KLHL14: variants seen among roughly 807,000 people sequenced by gnomAD.
KLHL14 encodes the protein kelch-like protein 14.
In KLHL14, 22 loss-of-function variants were observed where a neutral mutation model predicts 64.3. The observed-to-expected ratio is 0.34, with a 90% CI of 0.24 to 0.49. The LOEUF (loss-of-function observed/expected upper bound fraction) is 0.49. KLHL14 is among the 20% of genes least tolerant of loss of function. The pLI, the probability that KLHL14 is intolerant of heterozygous loss-of-function variation, is 0.99. For missense variants in KLHL14, 661 were observed against 789.0 expected, an observed-to-expected ratio of 0.84 and a Z score of 1.94; for synonymous variants, 322 against 333.4, an observed-to-expected ratio of 0.97 and a Z score of 0.37.
rs898043970 is a variant in KLHL14, at chr18:32,674,372, C to A, written c.*285G>T. On this transcript the variant is annotated 3_prime_UTR_variant, in exon 9 of 9. Coordinates refer to ENST00000359358, the MANE Select transcript of KLHL14 (RefSeq NM_020805.3). ...TCTGTATTTTATCTTTCTCCTTTTGCAAGTTAAGATTCACATGAAGAGTTT... is the reference window on the plus strand; with the variant it reads ...TCTGTATTTTATCTTTCTCCTTTTGAAAGTTAAGATTCACATGAAGAGTTT... The A allele has an allele frequency of 1.6e-4, 51 of 323,708 alleles. No homozygotes were observed. The East Asian group carries it at 2.5e-3, about 16-fold the overall frequency. The allele number at this position is 323,708 out of a possible 1,614,324, so 20.1% of individuals were successfully genotyped here.
In KLHL14 at chr18:32,738,158, A is replaced by G. The variant is rs73955278; in HGVS notation, c.1069+3770T>C. The G allele has an allele frequency of 5.9e-5, 9 of 152,286 alleles. No individual in the cohort carries two copies. In the South Asian group the frequency reaches 1.7e-3, roughly 28 times the overall value. The allele number at this position is 152,286 out of a possible 1,614,324, so 9.4% of individuals were successfully genotyped here. Reference sequence around the variant, plus strand: ...TAAAAATGGAATGGAGAGCTCTCCAATGCTGCCCTATGGGGAGAAATAAAA... The same window carrying G: ...TAAAAATGGAATGGAGAGCTCTCCAGTGCTGCCCTATGGGGAGAAATAAAA... On this transcript the variant is annotated intron_variant, in intron 3 of 8. Transcript: ENST00000359358.
chr18:32,728,438 T>G (rs140686359), intron 3 of KLHL14, among the ~76,000 whole-genome samples: 71 of 152,336 alleles, frequency 4.7e-4, no homozygotes, highest in African/African-American at 1.7e-3. Context: ...AATTAACAAA[T>G]GCAAGTGAAG....
rs562194297 is a variant in KLHL14 at position 32,705,447 on chromosome 18, G to A, written c.1070-9895C>T. ...TTTTAAAAGATTGTATTATGACTGGGTGTGGTGGCTCATGCCTGCAATCCC... is the reference window on the plus strand; with the variant it reads ...TTTTAAAAGATTGTATTATGACTGGATGTGGTGGCTCATGCCTGCAATCCC... On this transcript the variant is annotated intron_variant, in intron 3 of 8. Coordinates refer to ENST00000359358, the MANE Select transcript of KLHL14 (RefSeq NM_020805.3). 1.7e-3 allele frequency among the ~76,000 whole-genome samples: 263 copies of A among 152,258 alleles called. 1 individual carries two copies. Among genetic ancestry groups the A allele is most frequent in the Non-Finnish European group, 2.0e-3 (135 of 68,020 alleles).
At chr18:32,688,275 G>A (rs1340513994) in intron 4 of KLHL14, among the ~76,000 whole-genome samples, 3 of 152,080 alleles carry the variant, frequency 2.0e-5, no homozygotes, top group African/African-American at 7.2e-5. Context: ...AGGGGTGTGT[G>A]GGTGTGTGTG....
intron 4 of KLHL14, among the ~76,000 whole-genome samples, chr18:32,690,001 T>G (rs1322357267): frequency 6.8e-6 from 1 of 146,962 alleles, no homozygotes; most frequent in Non-Finnish European, 1.5e-5. Flanking sequence ...TGGTTTTCTG[T>G]ATCCACATTT....
At chr18:32,739,109 T>C (rs1298416108) in intron 3 of KLHL14, among the ~76,000 whole-genome samples, 7 of 152,054 alleles carry the variant, frequency 4.6e-5, no homozygotes, top group African/African-American at 1.4e-4. Context: ...GTCTGCTAGT[T>C]AGTTTGCATG....
At chr18:32,734,317 C>T (rs1198141108) in intron 3 of KLHL14, 10 of 691,016 alleles carry the variant, frequency 1.4e-5, no homozygotes, top group Non-Finnish European at 2.6e-5. Flanking sequence ...CTCCCTGCTG[C>T]ATCCATGATG....
In KLHL14 at chr18:32,770,501, G is replaced by A. The variant is rs2050377432; in HGVS notation, c.91C>T (p.Leu31=). The A allele has an allele frequency of 3.7e-6, 6 of 1,611,550 alleles. No individual in the cohort carries two copies. The highest frequency in any genetic ancestry group is 5.1e-6 in the Non-Finnish European group (6 of 1,179,882). The change falls in exon 2 of 9, where the codon CTG becomes TTG. Residue 31 remains leucine (L), a synonymous_variant. Coordinates refer to ENST00000359358, the MANE Select transcript of KLHL14 (RefSeq NM_020805.3). The surrounding 1 kb of genome is among the most constrained non-coding windows in gnomAD (Gnocchi z 6.7). ...HGLNLLWRKQ[L]FCDVTLTAQG... ...GCCGTCAGGGTCACGTCGCAAAACAGCTGCTTCCTCCACAGCAGGTTGAGG... is the reference window on the plus strand; with the variant it reads ...GCCGTCAGGGTCACGTCGCAAAACAACTGCTTCCTCCACAGCAGGTTGAGG...
chr18:32,753,233 A>AT (rs1306989962), intron 2 of KLHL14, among the ~76,000 whole-genome samples: 2 of 152,204 alleles, frequency 1.3e-5, no homozygotes, highest in Non-Finnish European at 2.9e-5. Flanking sequence ...GGGACGCACT[A>AT]TAAGAAATGG....
At chr18:32,695,749 G>A (rs1237268150) in intron 3 of KLHL14, among the ~76,000 whole-genome samples, 197 bp from the exon 4 acceptor site, 1 of 151,882 alleles carries the variant, frequency 6.6e-6, no homozygotes, top group East Asian at 1.9e-4. Flanking sequence ...TGTTCCCAGC[G>A]GTTTCAAACC....
intron 4 of KLHL14, among the ~76,000 whole-genome samples, chr18:32,687,840 C>G (rs1449863029): frequency 6.6e-6 from 1 of 152,166 alleles, no homozygotes; most frequent in Non-Finnish European, 1.5e-5. Context: ...AGTCTGCTCT[C>G]TCTGTTCAAA....
intron 3 of KLHL14, among the ~76,000 whole-genome samples, chr18:32,718,326 T>C (rs188590637): frequency 2.6e-5 from 4 of 152,334 alleles, no homozygotes; most frequent in Admixed American, 6.5e-5. Flanking sequence ...TAAAATGCAA[T>C]GTCATATTCT....
At chr18:32,742,112 C>A (rs978488767) in intron 2 of KLHL14, 63 bp from the exon 3 acceptor site, 2 of 1,509,084 alleles carry the variant, frequency 1.3e-6, no homozygotes, top group Non-Finnish European at 1.8e-6. Flanking sequence ...TTAGTGGCAA[C>A]GAAATCATAA....
At chr18:32,737,007 G>C (rs1170645591) in intron 3 of KLHL14, among the ~76,000 whole-genome samples, 1 of 152,068 alleles carries the variant, frequency 6.6e-6, no homozygotes, top group African/African-American at 2.4e-5. Context: ...CCAACACAGA[G>C]TGGGTATTCA....
chr18:32,706,326 C>T (rs991728985), intron 3 of KLHL14, among the ~76,000 whole-genome samples: 39 of 152,194 alleles, frequency 2.6e-4, no homozygotes, highest in Non-Finnish European at 3.7e-4. Context: ...CATGATGAGG[C>T]CTAGAGTCAT....
At chr18:32,706,167 G>C (rs2049989228) in intron 3 of KLHL14, among the ~76,000 whole-genome samples, 1 of 152,174 alleles carries the variant, frequency 6.6e-6, no homozygotes, top group Non-Finnish European at 1.5e-5. Flanking sequence ...TTCATGGTGT[G>C]TGCATGTGTA....
intron 3 of KLHL14, among the ~76,000 whole-genome samples, chr18:32,701,260 C>T (rs2049965017): frequency 6.6e-6 from 1 of 152,152 alleles, no homozygotes; most frequent in Non-Finnish European, 1.5e-5. Context: ...AATATCCCTG[C>T]TCTCCTAGAC....
intron 2 of KLHL14, among the ~76,000 whole-genome samples, chr18:32,747,526 C>T (rs148602642): frequency 3.3e-5 from 5 of 152,196 alleles, no homozygotes; most frequent in Non-Finnish European, 5.9e-5. Context: ...GTAGGGTTTG[C>T]GCTCATATGA....
At chr18:32,718,804 T>A (rs2050059354) in intron 3 of KLHL14, among the ~76,000 whole-genome samples, 1 of 152,228 alleles carries the variant, frequency 6.6e-6, no homozygotes. Context: ...ACCTTCTTTT[T>A]AAACTTTGTG....
Sources: gnomAD v4.1 joint callset for allele counts (sites outside exome capture counted in the v4.1 genomes callset) on GRCh38, gnomAD v4.1.1 for gene constraint, Gnocchi (gnomAD v3.1) non-coding constraint, MANE v1.5 for transcripts, NCBI Gene and HGNC (gene_info 2026-07-23, HGNC 2026-07-21) for gene names.